SMG1: variants seen among roughly 807,000 people sequenced by gnomAD.
SMG1 encodes the protein SMG1 nonsense mediated mRNA decay associated PI3K related kinase, also known as serine/threonine-protein kinase SMG1.
In SMG1, 22 loss-of-function variants were observed where a neutral mutation model predicts 419.9. That is an observed-to-expected ratio of 0.05 (90% confidence interval 0.04 to 0.07). The LOEUF (loss-of-function observed/expected upper bound fraction) is 0.07. Ranked by LOEUF, SMG1 falls within the 10% of genes least tolerant of loss-of-function variation. The pLI is 1.00. For missense variants in SMG1, 3,185 were observed against 4,342.0 expected, an observed-to-expected ratio of 0.73 and a Z score of 7.49; for synonymous variants, 1,538 against 1,553.5, an observed-to-expected ratio of 0.99 and a Z score of 0.23.
chr16:18,881,793 G>T (rs1357192519), intron 10 of SMG1, among the ~76,000 whole-genome samples: 1 of 152,104 alleles, frequency 6.6e-6, no homozygotes, highest in Non-Finnish European at 1.5e-5. Context: ...GTTCAGAGAA[G>T]ATTACTTTCT....
intron 22 of SMG1, among the ~76,000 whole-genome samples, chr16:18,867,565 A>G (rs558074713): frequency 6.9e-6 from 1 of 145,180 alleles, no homozygotes; most frequent in South Asian, 2.2e-4. Flanking sequence ...AAATAAATAA[A>G]TAATTTATCC....
Position 18,926,377 on chromosome 16 carries a change from T to G in SMG1, c.-336A>C. 7.4e-6 allele frequency: 2 copies of G among 269,782 alleles called. No homozygotes were observed. The highest frequency in any genetic ancestry group is 2.3e-5 in the African/African-American group (1 of 44,372). The allele number at this position is 269,782 out of a possible 1,614,324, so 16.7% of individuals were successfully genotyped here. On this transcript the variant is annotated 5_prime_UTR_variant, in exon 1 of 63. Transcript: ENST00000446231. ...GACGAGGACGACGAGGAGCAGGCGG[T>G]GGCGGCAGCTCCTCACGCTCACACG...
At chr16:18,844,509 A>T (rs2034133685) in intron 39 of SMG1, among the ~76,000 whole-genome samples, 1 of 109,410 alleles carries the variant, frequency 9.1e-6, no homozygotes, top group Admixed American at 1.1e-4. Flanking sequence ...ACACACACAC[A>T]CACACACACA....
In SMG1 at chr16:18,849,279, T is replaced by C. The variant is rs2034458572; in HGVS notation, c.5561A>G (p.His1854Arg). ...CACTATTGCAGGATACAATATGAGA[T>C]GTGGGGAATCTTGAGCCACACGGCA... is the stretch of plus-strand genomic sequence containing the variant. ...LLCRVAQDSPHLILYPAIVGT... is the reference protein window; with the variant it reads ...LLCRVAQDSPRLILYPAIVGT... Residue 1854 changes from histidine (H) to arginine (R), a missense_variant, in exon 36 of 63, where the codon CAT (histidine) becomes CGT (arginine). His to Arg is a conservative substitution (Grantham distance 29). This residue lies in a region of SMG1 where 130 missense variants were observed against 162.0 expected (regional missense o/e 0.80). Coordinates refer to ENST00000446231, the MANE Select transcript of SMG1 (RefSeq NM_015092.5). 3 of 1,613,766 alleles carry C rather than the reference T, an allele frequency of 1.9e-6. No homozygotes were observed. The highest frequency in any genetic ancestry group is 1.7e-6 in the Non-Finnish European group (2 of 1,179,760).
intron 58 of SMG1, 184 bp downstream of exon 58, chr16:18,816,118 C>T (rs1391350200): frequency 1.7e-6 from 1 of 596,418 alleles, no homozygotes; most frequent in Non-Finnish European, 2.9e-6. Context: ...GAAATTCAAA[C>T]TACTACTACT....
rs192691960 is a variant in SMG1, at chr16:18,818,325, C to T, written c.9895-855G>A. ...ACTTGAACTCGGGAGGCAGAGGTTGCAGTGAGCCAAGATCACGCCACTGCA... is the reference window on the plus strand; with the variant it reads ...ACTTGAACTCGGGAGGCAGAGGTTGTAGTGAGCCAAGATCACGCCACTGCA... On this transcript the variant is annotated intron_variant, in intron 56 of 62. Transcript: ENST00000446231. Among the ~76,000 whole-genome samples the T allele has an allele frequency of 1.7e-3, 260 of 152,154 alleles. 1 individual carries two copies. The highest frequency in any genetic ancestry group is 3.4e-3 in the Middle Eastern group (1 of 294).
intron 1 of SMG1, among the ~76,000 whole-genome samples, chr16:18,897,344 C>T (rs1482943077): frequency 6.6e-6 from 1 of 152,108 alleles, no homozygotes; most frequent in African/African-American, 2.4e-5. Context: ...AAATTCTCCC[C>T]CATGGAGAGG....
rs1057163362 is a variant in SMG1, at chr16:18,869,111, T to G, written c.2826A>C (p.Thr942=). 1.6e-5 allele frequency: 26 copies of G among 1,609,794 alleles called. No homozygotes were observed. Among genetic ancestry groups the G allele is most frequent in the Non-Finnish European group, 2.0e-5 (24 of 1,177,970 alleles). The change falls in exon 20 of 63, where the codon ACA becomes ACC. Residue 942 remains threonine (T), a synonymous_variant. Transcript: ENST00000446231. ...AAAGCTTGAGTGAGTTACCTTCAATTGTCTGGAAGGTGTCTTGAGCTCTGC... is the reference window on the plus strand; with the variant it reads ...AAAGCTTGAGTGAGTTACCTTCAATGGTCTGGAAGGTGTCTTGAGCTCTGC... ...PLGRAQDTFQ[T]IEGIIRSLAA... is the part of the protein sequence containing the mutation.
chr16:18,873,519 C>A (rs1288148912), intron 13 of SMG1, among the ~76,000 whole-genome samples: 1 of 152,116 alleles, frequency 6.6e-6, no homozygotes, highest in East Asian at 1.9e-4. Context: ...CCCAGCCCAA[C>A]GAGAACTTTC....
chr16:18,833,871 T>C (rs1337719744), intron 50 of SMG1, among the ~76,000 whole-genome samples: 1 of 152,208 alleles, frequency 6.6e-6, no homozygotes, highest in Non-Finnish European at 1.5e-5. Context: ...TTGTAAGTCA[T>C]ACATGTGGCT....
chr16:18,827,855 C>A, intron 55 of SMG1, among the ~76,000 whole-genome samples, 176 bp downstream of exon 55: 1 of 58,632 alleles, frequency 1.7e-5, no homozygotes, highest in African/African-American at 3.3e-5. Context: ...TATATATATA[C>A]CTATATATAT....
chr16:18,812,829 C>T (rs2031595935), intron 60 of SMG1, among the ~76,000 whole-genome samples: 2 of 152,086 alleles, frequency 1.3e-5, no homozygotes, highest in African/African-American at 4.8e-5. Context: ...TGTCCCCCCA[C>T]CCACAACAAG....
intron 42 of SMG1, among the ~76,000 whole-genome samples, chr16:18,839,053 G>A (rs1186505319): frequency 6.6e-6 from 1 of 151,954 alleles, no homozygotes; most frequent in Admixed American, 6.6e-5. Context: ...CCAATGTTGG[G>A]CAGGCTGGTC....
At chr16:18,888,482 T>C (rs2036735605) in intron 6 of SMG1, among the ~76,000 whole-genome samples, 1 of 151,156 alleles carries the variant, frequency 6.6e-6, no homozygotes, top group African/African-American at 2.4e-5. Context: ...AAAATCCTTT[T>C]TTTTTTTTTT....
At chr16:18,837,123 G>A in intron 46 of SMG1, 130 bp downstream of exon 46, 6 of 808,346 alleles carry the variant, frequency 7.4e-6, no homozygotes, top group Non-Finnish European at 9.3e-6. Context: ...CTTTGAAGTT[G>A]CAGTCACTGA....
At chr16:18,895,806 T>C (rs532205215) in intron 3 of SMG1, among the ~76,000 whole-genome samples, 1 of 152,292 alleles carries the variant, frequency 6.6e-6, no homozygotes, top group African/African-American at 2.4e-5. Flanking sequence ...ACATTCAATA[T>C]CCACGATAAT....
intron 60 of SMG1, among the ~76,000 whole-genome samples, chr16:18,813,305 A>G (rs1244548814): frequency 6.6e-6 from 1 of 152,046 alleles, no homozygotes; most frequent in Non-Finnish European, 1.5e-5. Context: ...AAGTGTTCCT[A>G]TTTCTCCACA....
At chr16:18,817,195 A>C in intron 57 of SMG1, 96 bp downstream of exon 57, 1 of 1,002,016 alleles carries the variant, frequency 1.0e-6, no homozygotes, top group Non-Finnish European at 1.3e-6. Context: ...CATACAGTAT[A>C]TGCTCAACGA....
chr16:18,841,451 G>A, intron 41 of SMG1, 114 bp downstream of exon 41: 1 of 795,936 alleles, frequency 1.3e-6, no homozygotes, highest in Non-Finnish European at 2.0e-6. Flanking sequence ...GGGACCTCAA[G>A]TCTTTTCCTT....
Sources: gnomAD v4.1 joint callset for allele counts (sites outside exome capture counted in the v4.1 genomes callset) on GRCh38, gnomAD v4.1.1 for gene constraint, gnomAD v4.1.1 regional missense constraint, MANE v1.5 for transcripts, NCBI Gene and HGNC (gene_info 2026-07-23, HGNC 2026-07-21) for gene names.